RALGPS2: variants seen among roughly 807,000 people sequenced by gnomAD.
The protein encoded by RALGPS2 is ras-specific guanine nucleotide-releasing factor RalGPS2.
Under a neutral mutation model 86.8 loss-of-function variants are expected in RALGPS2, and 43 were observed. That is an observed-to-expected ratio of 0.50 (90% CI 0.39 to 0.64). The LOEUF (loss-of-function observed/expected upper bound fraction) is 0.64. RALGPS2 is among the 30% of genes least tolerant of loss of function. The pLI is 0.00. For synonymous variants in RALGPS2, 243 were observed against 231.3 expected (o/e 1.05, Z -0.46); for missense variants, 536 against 694.6 (o/e 0.77, Z 2.57).
At chr1:178,758,795 G>A (rs890772311) in intron 1 of RALGPS2, among the ~76,000 whole-genome samples, 3 of 151,992 alleles carry the variant, frequency 2.0e-5, no homozygotes, top group South Asian at 2.1e-4. Context: ...TTATCCATAC[G>A]TTCATCTGTT....
At chr1:178,910,361 C>T (rs978985634) in intron 19 of RALGPS2, among the ~76,000 whole-genome samples, 1 of 152,112 alleles carries the variant, frequency 6.6e-6, no homozygotes, top group Admixed American at 6.5e-5. Context: ...GGAATACTTC[C>T]AACTTTTGCC....
rs149391389 is a variant in RALGPS2, at chr1:178,780,812, A to G, written c.58-3606A>G. Among the ~76,000 whole-genome samples the G allele has an allele frequency of 3.3e-4, 51 of 152,334 alleles. No individual in the cohort carries two copies. The Middle Eastern group carries it at 0.01, about 30-fold the overall frequency. On this transcript the variant is annotated intron_variant, in intron 2 of 19. Transcript: ENST00000367635. ...ATATTTCAAATGCTATGCTTTTAAT[A>G]AAGCCTCTCCTAATCCCTTAAACAG...
chr1:178,751,935 G>A lies in RALGPS2; in HGVS notation c.-83-24747G>A, dbSNP rs112350366. Among the ~76,000 whole-genome samples the A allele has an allele frequency of 8.5e-3, 1,296 of 152,130 alleles. 13 individuals carry two copies. The highest frequency in any genetic ancestry group is 0.023 in the African/African-American group (943 of 41,498). Reference sequence around the variant, plus strand: ...GCAAAAAACGTTTTTTTTCCTAGTCGGTTGCTGATAGAATAGATTCCTGGC... The same window carrying A: ...GCAAAAAACGTTTTTTTTCCTAGTCAGTTGCTGATAGAATAGATTCCTGGC... On this transcript the variant is annotated intron_variant, in intron 1 of 19. Transcript: ENST00000367635.
At chr1:178,788,637 G>A (rs1324275670) in intron 4 of RALGPS2, among the ~76,000 whole-genome samples, 2 of 152,284 alleles carry the variant, frequency 1.3e-5, no homozygotes, top group East Asian at 3.9e-4. Flanking sequence ...TACAGTGAGT[G>A]AGCAAGGGAG....
At chr1:178,855,533 T>C (rs1302965206) in intron 8 of RALGPS2, among the ~76,000 whole-genome samples, 2 of 151,942 alleles carry the variant, frequency 1.3e-5, no homozygotes, top group African/African-American at 4.8e-5. Context: ...CTAGTAAAAA[T>C]TTGAGAAACT....
rs1467835106 is a variant in RALGPS2 at position 178,752,512 on chromosome 1, T to C, written c.-83-24170T>C. Among the ~76,000 whole-genome samples the C allele has an allele frequency of 2.0e-5, 3 of 152,108 alleles. No individual in the cohort carries two copies. The East Asian group carries it at 5.8e-4, about 29-fold the overall frequency. On this transcript the variant is annotated intron_variant, in intron 1 of 19. Coordinates refer to ENST00000367635, the MANE Select transcript of RALGPS2 (RefSeq NM_152663.5). ...ATCTTCCTGCAGCTACTCCTACTGC[T>C]GGTGATCAAAGAGAAGCAAAAAGCA...
At chr1:178,764,206 C>T (rs1178987313) in intron 1 of RALGPS2, among the ~76,000 whole-genome samples, 1 of 152,108 alleles carries the variant, frequency 6.6e-6, no homozygotes, top group African/African-American at 2.4e-5. Context: ...GAGCCCTTTA[C>T]CATTATGTAA....
chr1:178,859,820 G>GCC (rs796122342), intron 8 of RALGPS2, among the ~76,000 whole-genome samples: 43 of 9,046 alleles, frequency 4.8e-3, no homozygotes, highest in South Asian at 0.011. Context: ...GCCTCTGCCC[G>GCC]CCCCCCCCCC....
In RALGPS2 at chr1:178,892,305, C is replaced by G; in HGVS notation, c.1323C>G (p.Ser441Arg). ...GCTATCGAAGTCACATGAAGGCCAG[C>G]AGGTACAATTCCCCTGCATTCAGGG... ...RNGYRSHMKASSSAESEDLAV... is the reference protein window; with the variant it reads ...RNGYRSHMKARSSAESEDLAV... The change falls in exon 15 of 20, where the codon AGC becomes AGG. Residue 441 changes from serine (S) to arginine (R), a missense_variant and splice_region_variant. By Grantham distance (110) the Ser-to-Arg change is moderately radical (BLOSUM62 -1). Coordinates refer to ENST00000367635, the MANE Select transcript of RALGPS2 (RefSeq NM_152663.5). 1 of 1,612,162 alleles carries G rather than the reference C, an allele frequency of 6.2e-7. No individual in the cohort carries two copies. Among genetic ancestry groups the G allele is most frequent in the Non-Finnish European group, 8.5e-7 (1 of 1,178,684 alleles).
intron 1 of RALGPS2, among the ~76,000 whole-genome samples, chr1:178,769,606 G>A (rs1652684064): frequency 6.6e-6 from 1 of 152,138 alleles, no homozygotes; most frequent in Non-Finnish European, 1.5e-5. Context: ...AGTGGAGAGG[G>A]CCCTGCTGCA....
At chr1:178,814,742 A>G (rs376865895) in intron 6 of RALGPS2, among the ~76,000 whole-genome samples, 1 of 152,060 alleles carries the variant, frequency 6.6e-6, no homozygotes, top group Non-Finnish European at 1.5e-5. Context: ...GAGCTACTGT[A>G]CCTGTCCCCT....
In RALGPS2 at chr1:178,788,804, CTTTCT is replaced by C. The variant is rs368472993; in HGVS notation, c.213+3216_213+3220del. 5.0e-3 allele frequency among the ~76,000 whole-genome samples: 738 copies of C among 148,424 alleles called. 1 individual carries two copies. Among genetic ancestry groups the C allele is most frequent in the African/African-American group, 0.011 (434 of 39,364 alleles). ...TTTTTTCTCTTCTCTTCTTTTCTTT[CTTTCT>C]TTTCTTTTCTTTTCTTTTGTTTTCT... On this transcript the variant is annotated intron_variant, in intron 4 of 19. Coordinates refer to ENST00000367635, the MANE Select transcript of RALGPS2 (RefSeq NM_152663.5).
At chr1:178,735,601 C>CT (rs1299543356) in intron 1 of RALGPS2, among the ~76,000 whole-genome samples, 620 of 41,380 alleles carry the variant, frequency 0.015, 7 homozygotes, top group African/African-American at 0.048. Context: ...TTTTTGTATT[C>CT]TTTTTTTTTT....
chr1:178,880,368 C>T (rs1020523582), intron 10 of RALGPS2, among the ~76,000 whole-genome samples: 1 of 152,042 alleles, frequency 6.6e-6, no homozygotes, highest in Non-Finnish European at 1.5e-5. Context: ...TTTGAAAATG[C>T]CTTTATTGCC....
intron 3 of RALGPS2, among the ~76,000 whole-genome samples, chr1:178,784,858 G>GT (rs1371142958): frequency 6.6e-6 from 1 of 151,594 alleles, no homozygotes; most frequent in Non-Finnish European, 1.5e-5. Flanking sequence ...ATTTTCACTG[G>GT]TTTTTTTAAT....
chr1:178,753,594 G>GT (rs1651793671), intron 1 of RALGPS2: 1 of 152,072 alleles, frequency 6.6e-6, no homozygotes, highest in African/African-American at 2.4e-5. Flanking sequence ...GGTAACAGTT[G>GT]TACTTTTTCT....
chr1:178,835,038 A>G (rs1170361869), intron 8 of RALGPS2, among the ~76,000 whole-genome samples: 1 of 152,354 alleles, frequency 6.6e-6, no homozygotes, highest in East Asian at 1.9e-4. Flanking sequence ...TCAGTCTCCC[A>G]AAGTGCTGGG....
At position 178,829,495 on chromosome 1, in the gene RALGPS2, C is replaced by T. The variant is rs1655911437; in HGVS notation, c.481-3929C>T. The stretch of plus-strand genomic sequence containing the variant: ...GCATGTGAAGGATCTAGGTTGTGTG[C>T]TCCTTATGAGAATCTAATGCCTGAT... On this transcript the variant is annotated intron_variant, in intron 7 of 19. Transcript: ENST00000367635. Among the ~76,000 whole-genome samples the T allele has an allele frequency of 2.0e-5, 3 of 152,248 alleles. No individual in the cohort carries two copies. In the South Asian group the frequency reaches 6.2e-4, roughly 32 times the overall value.
intron 8 of RALGPS2, among the ~76,000 whole-genome samples, chr1:178,848,907 G>A (rs1486191708): frequency 1.3e-5 from 2 of 152,156 alleles, no homozygotes; most frequent in African/African-American, 4.8e-5. Flanking sequence ...TGGGATTACA[G>A]ATGTGAGCCA....
Sources: gnomAD v4.1 joint callset for allele counts (sites outside exome capture counted in the v4.1 genomes callset) on GRCh38, gnomAD v4.1.1 for gene constraint, MANE v1.5 for transcripts, NCBI Gene and HGNC (gene_info 2026-07-23, HGNC 2026-07-21) for gene names.